KATNAL2: variants seen among roughly 807,000 people sequenced by gnomAD.
The protein encoded by KATNAL2 is katanin p60 ATPase-containing subunit A-like 2.
KATNAL2 carries 52 observed loss-of-function variants against 76.3 expected under a neutral mutation model. That is an observed-to-expected ratio of 0.68 (90% CI 0.55 to 0.86). KATNAL2 has a LOEUF of 0.86. Among genes scored for constraint, KATNAL2 ranks in the 40% least tolerant of loss-of-function variants. KATNAL2 has a pLI of 0.00. For missense variants in KATNAL2, 660 were observed against 668.9 expected (o/e 0.99, Z 0.15); for synonymous variants, 243 against 244.2 (o/e 1.00, Z 0.05).
intron 1 of KATNAL2, among the ~76,000 whole-genome samples, chr18:46,926,191 A>G (rs180694561): frequency 0.048 from 7,038 of 145,542 alleles, 190 homozygotes; most frequent in Non-Finnish European, 0.066. Flanking sequence ...TGTCAATTTT[A>G]GATCTTTCCT....
intron 5 of KATNAL2, among the ~76,000 whole-genome samples, chr18:47,053,671 C>T (rs928620105): frequency 6.6e-6 from 1 of 152,196 alleles, no homozygotes; most frequent in Non-Finnish European, 1.5e-5. Context: ...GTTTACAAGC[C>T]ACTTGTTAAG....
chr18:46,937,728 T>A (rs969433029), intron 1 of KATNAL2, among the ~76,000 whole-genome samples: 13 of 152,172 alleles, frequency 8.5e-5, no homozygotes, highest in African/African-American at 3.1e-4. Context: ...ATTTATTGCA[T>A]CACTGTTTGT....
chr18:46,958,823 G>A (rs1286144183), intron 3 of KATNAL2, among the ~76,000 whole-genome samples: 1 of 152,170 alleles, frequency 6.6e-6, no homozygotes, highest in African/African-American at 2.4e-5. Flanking sequence ...CACGATAATG[G>A]TTTTTGGAAA....
chr18:47,084,651 C>A (rs1599828099), intron 15 of KATNAL2, among the ~76,000 whole-genome samples: 2 of 151,712 alleles, frequency 1.3e-5, no homozygotes, highest in East Asian at 3.9e-4. Flanking sequence ...GTGTTCAAGA[C>A]CTGCCTGGCC....
Position 47,094,614 on chromosome 18 carries a change from A to G in KATNAL2, c.1212-4629A>G, listed in dbSNP as rs73440962. Among the ~76,000 whole-genome samples the G allele has an allele frequency of 4.9e-3, 748 of 152,276 alleles. 8 individuals carry two copies. Among genetic ancestry groups the G allele is most frequent in the African/African-American group, 0.017 (695 of 41,564 alleles). On this transcript the variant is annotated intron_variant, in intron 15 of 17. Coordinates refer to ENST00000683218, the MANE Select transcript of KATNAL2 (RefSeq NM_001387690.1). ...CAAAGGCTTGCCAACTGTGGGCTCC[A>G]TGTATTGAGATTTGACTGGGTTACT...
In KATNAL2 at chr18:47,099,424, G is replaced by A. The variant is rs2063379533; in HGVS notation, c.1374+19G>A. 2 of 1,595,102 alleles carry A rather than the reference G, an allele frequency of 1.3e-6. No homozygotes were observed. The highest frequency in any genetic ancestry group is 1.7e-6 in the Non-Finnish European group (2 of 1,168,584). On this transcript the variant is annotated intron_variant, in intron 16 of 17. Coordinates refer to ENST00000683218, the MANE Select transcript of KATNAL2 (RefSeq NM_001387690.1). ...GAGCCAGGTCAGCTGCCCTGGAGAG[G>A]GGCACATGTAGGTCAAGGGCCCACC...
chr18:47,090,425 G>A (rs1358859995), intron 15 of KATNAL2, among the ~76,000 whole-genome samples: 1 of 152,084 alleles, frequency 6.6e-6, no homozygotes, highest in Non-Finnish European at 1.5e-5. Context: ...TATTTCTTGA[G>A]CACCTGTTGG....
chr18:47,062,968 T>A lies in KATNAL2; in HGVS notation c.550-4T>A. ...TGGCATAAATAACCATTCCTCCCTT[T>A]CAGGGCCAAATCATTGACTTCCAAG... On this transcript the variant is annotated splice_polypyrimidine_tract_variant and splice_region_variant and intron_variant, in intron 8 of 17. Transcript: ENST00000683218. The A allele has an allele frequency of 6.2e-7, 1 of 1,612,934 alleles. No homozygotes were observed. The highest frequency in any genetic ancestry group is 1.3e-5 in the African/African-American group (1 of 75,016).
At chr18:47,072,686 G>A (rs9962602) in intron 13 of KATNAL2, among the ~76,000 whole-genome samples, 62,865 of 151,764 alleles carry the variant, frequency 0.41, 13,760 homozygotes, top group Middle Eastern at 0.5. Flanking sequence ...CAATCCTCCC[G>A]CCTTGGGCTC....
At chr18:47,065,998 A>T (rs1442024771) in intron 10 of KATNAL2, among the ~76,000 whole-genome samples, 3 of 151,740 alleles carry the variant, frequency 2.0e-5, no homozygotes, top group African/African-American at 4.8e-5. Context: ...AATTTAAAAA[A>T]TTTAAAAAAA....
At chr18:46,922,187 A>G (rs967270893) in intron 1 of KATNAL2, among the ~76,000 whole-genome samples, 18 of 148,736 alleles carry the variant, frequency 1.2e-4, no homozygotes, top group Admixed American at 1.1e-3. Flanking sequence ...TGCAACCTTC[A>G]CCTCCCAGCT....
chr18:47,032,357 C>A (rs1372202985), intron 3 of KATNAL2, among the ~76,000 whole-genome samples: 1 of 152,218 alleles, frequency 6.6e-6, no homozygotes, highest in Non-Finnish European at 1.5e-5. Context: ...GGCAATCCTG[C>A]CACCTCAGCC....
chr18:47,036,060 G>A (rs1293409147), intron 3 of KATNAL2, among the ~76,000 whole-genome samples: 1 of 152,178 alleles, frequency 6.6e-6, no homozygotes. Flanking sequence ...TGTCCCTCAA[G>A]CCCTGATGTT....
At chr18:47,093,350 A>G (rs941185214) in intron 15 of KATNAL2, among the ~76,000 whole-genome samples, 5 of 151,708 alleles carry the variant, frequency 3.3e-5, no homozygotes, top group Non-Finnish European at 5.9e-5. Context: ...AGAATTCTGG[A>G]AAGTTTTCTT....
At position 47,075,330 on chromosome 18, in the gene KATNAL2, G is replaced by A. The variant is rs374603646; in HGVS notation, c.1062G>A (p.Glu354=). 1 of 1,557,856 alleles carries A rather than the reference G, an allele frequency of 6.4e-7. No homozygotes were observed. Among genetic ancestry groups the A allele is most frequent in the East Asian group, 2.5e-5 (1 of 39,990 alleles). The change falls in exon 14 of 18, where the codon GAG becomes GAA. Residue 354 remains glutamate (E), a synonymous_variant. Transcript: ENST00000683218. The part of the protein sequence containing the change: ...YHAPSTIFLD[E]LESVMSQRGT... ...CCCCATCCACGATCTTCCTGGACGA[G>A]CTGGAGTCGGTGATGAGTCAGAGAG...
intron 1 of KATNAL2, among the ~76,000 whole-genome samples, chr18:46,945,655 T>G (rs192807929): frequency 0.015 from 2,336 of 152,384 alleles, 27 homozygotes; most frequent in South Asian, 0.028. Context: ...TTTGGCTTTT[T>G]GGGCCTGTTT....
rs1206684864 is a variant in KATNAL2 at position 47,099,353 on chromosome 18, AG to A, written c.1323del (p.Ser442AlafsTer15). On this transcript the variant is annotated frameshift_variant, in exon 16 of 18. Coordinates refer to ENST00000683218, the MANE Select transcript of KATNAL2 (RefSeq NM_001387690.1). LOFTEE classifies it high-confidence loss of function. ...MIYHWLPPVS[K>X]SRALELHTEL... ...TACCACTGGCTGCCTCCTGTGAGCA[AG>A]AGCAGGGCCTTGGAGCTGCACACAG... 6.2e-7 allele frequency: 1 copy of A among 1,613,974 alleles called. No individual in the cohort carries two copies. Among genetic ancestry groups the A allele is most frequent in the Non-Finnish European group, 8.5e-7 (1 of 1,179,968 alleles).
chr18:47,039,718 A>C (rs549222213), intron 3 of KATNAL2, among the ~76,000 whole-genome samples: 18 of 152,220 alleles, frequency 1.2e-4, no homozygotes, highest in Non-Finnish European at 1.8e-4. Context: ...GCACAAGTAC[A>C]TGTTTCAATT....
intron 15 of KATNAL2, 58 bp from the exon 16 acceptor site, chr18:47,099,182 AGTT>A (rs1481647164): frequency 2.0e-6 from 3 of 1,508,632 alleles, no homozygotes; most frequent in Admixed American, 3.9e-5. Context: ...CTTAAAGTAC[AGTT>A]GTTGTTCAGG....
Sources: gnomAD v4.1 joint callset for allele counts (sites outside exome capture counted in the v4.1 genomes callset) on GRCh38, gnomAD v4.1.1 for gene constraint, MANE v1.5 for transcripts, NCBI Gene and HGNC (gene_info 2026-07-23, HGNC 2026-07-21) for gene names.